Variants in TAFA2 observed in about 807,000 individuals in gnomAD.
TAFA2 encodes the protein TAFA chemokine like family member 2.
TAFA2 carries 7 observed loss-of-function variants against 18.8 expected under a neutral mutation model. The ratio of observed to expected loss-of-function variants is 0.37; its 90% CI spans 0.21 to 0.70. The LOEUF (loss-of-function observed/expected upper bound fraction) is 0.70, where lower values mean the gene tolerates loss of function less well. TAFA2 is among the 30% of genes least tolerant of loss of function. TAFA2 has a pLI of 0.53. For synonymous variants in TAFA2, 60 were observed against 54.2 expected, an observed-to-expected ratio of 1.11 and a Z score of -0.47; for missense variants, 122 against 158.1, an observed-to-expected ratio of 0.77 and a Z score of 1.23.
chr12:61,725,934 G>C (rs1324814533), intron 4 of TAFA2, among the ~76,000 whole-genome samples: 1 of 151,880 alleles, frequency 6.6e-6, no homozygotes, highest in Non-Finnish European at 1.5e-5. Context: ...GTTGGTGAGG[G>C]GTGAGGTATA....
At chr12:62,036,544 T>C (rs1259439828) in intron 1 of TAFA2, among the ~76,000 whole-genome samples, 1 of 152,244 alleles carries the variant, frequency 6.6e-6, no homozygotes, top group Non-Finnish European at 1.5e-5. Context: ...TTCTTGTGTA[T>C]CTGTGTTCAC....
At chr12:61,926,376 G>A (rs1287806003) in intron 1 of TAFA2, among the ~76,000 whole-genome samples, 7 of 152,090 alleles carry the variant, frequency 4.6e-5, no homozygotes, top group Non-Finnish European at 7.4e-5. Flanking sequence ...CCAAAACCTG[G>A]CAGAGACACA....
At chr12:62,080,413 G>A (rs145624762) in intron 1 of TAFA2, among the ~76,000 whole-genome samples, 16 of 152,098 alleles carry the variant, frequency 1.1e-4, no homozygotes, top group African/African-American at 3.1e-4. Context: ...AAATCTTGGG[G>A]GTTGTCTTAA....
intron 1 of TAFA2, among the ~76,000 whole-genome samples, chr12:62,150,523 C>G (rs1160180730): frequency 6.6e-6 from 1 of 152,082 alleles, no homozygotes; most frequent in South Asian, 2.1e-4. Flanking sequence ...TTCTAACAAG[C>G]CTATTCTAAT....
At chr12:62,061,380 AC>A (rs1389660045) in intron 1 of TAFA2, among the ~76,000 whole-genome samples, 3 of 152,238 alleles carry the variant, frequency 2.0e-5, no homozygotes, top group African/African-American at 7.2e-5. Context: ...AACATGATGT[AC>A]ATGTGTGTAG....
At chr12:62,116,365 A>G (rs944368123) in intron 1 of TAFA2, among the ~76,000 whole-genome samples, 7 of 152,208 alleles carry the variant, frequency 4.6e-5, no homozygotes, top group African/African-American at 7.2e-5. Context: ...AGTGGTTCTA[A>G]ATATAAGCCC....
intron 1 of TAFA2, among the ~76,000 whole-genome samples, chr12:62,229,310 G>A (rs1450206682): frequency 6.6e-6 from 1 of 151,904 alleles, no homozygotes; most frequent in African/African-American, 2.4e-5. Flanking sequence ...TAAAAGAATG[G>A]CTTTCAATTT....
At chr12:62,073,550 A>C (rs998536445) in intron 1 of TAFA2, among the ~76,000 whole-genome samples, 1 of 151,624 alleles carries the variant, frequency 6.6e-6, no homozygotes, top group African/African-American at 2.4e-5. Context: ...TGTTATAGGT[A>C]GGTGTTATTA....
intron 1 of TAFA2, among the ~76,000 whole-genome samples, chr12:62,213,507 G>T (rs2062722165): frequency 6.6e-6 from 1 of 152,068 alleles, no homozygotes; most frequent in South Asian, 2.1e-4. Flanking sequence ...GCTGGGCATG[G>T]TGGCGCGTGC....
chr12:62,193,460 A>G (rs2062636266), upstream of TAFA2, among the ~76,000 whole-genome samples: 1 of 152,238 alleles, frequency 6.6e-6, no homozygotes, highest in African/African-American at 2.4e-5. Flanking sequence ...ATTAGGTATC[A>G]CAAGCTCTCT....
chr12:62,165,939 T>TCTCACA lies in TAFA2; in HGVS notation c.-2+25319_-2+25320insTGTGAG, dbSNP rs1555195377. Among the ~76,000 whole-genome samples, 758 of 139,442 alleles carry TCTCACA rather than the reference T, an allele frequency of 5.4e-3. 4 individuals are homozygous for TCTCACA. Among genetic ancestry groups the TCTCACA allele is most frequent in the South Asian group, 0.019 (82 of 4,214 alleles). The allele number at this position is 139,442 out of a possible 152,430, so 91.5% of individuals were successfully genotyped here. On this transcript the variant is annotated intron_variant, in intron 1 of 4. Coordinates refer to ENST00000416284, the MANE Select transcript of TAFA2 (RefSeq NM_178539.5). ...CTCTTCCTCTCTCTCTCTCTCTCTC[T>TCTCACA]CACACACACACACACACACACACAC...
At chr12:61,948,708 A>C (rs1472363000) in intron 1 of TAFA2, among the ~76,000 whole-genome samples, 1 of 152,208 alleles carries the variant, frequency 6.6e-6, no homozygotes, top group East Asian at 1.9e-4. Flanking sequence ...GGGGTATTGT[A>C]AATGATTTAT....
intron 4 of TAFA2, among the ~76,000 whole-genome samples, chr12:61,753,347 A>G (rs1335904782): frequency 6.6e-6 from 1 of 152,098 alleles, no homozygotes; most frequent in Non-Finnish European, 1.5e-5. Flanking sequence ...CAGTGGGGAA[A>G]GGAGGTTCAC....
intron 1 of TAFA2, among the ~76,000 whole-genome samples, chr12:61,976,094 T>C (rs952299662): frequency 2.0e-5 from 3 of 151,824 alleles, no homozygotes; most frequent in African/African-American, 7.2e-5. Context: ...TATAATTACA[T>C]AACTAACCTA....
At chr12:62,131,127 T>A (rs1183525473) in intron 1 of TAFA2, among the ~76,000 whole-genome samples, 7 of 151,900 alleles carry the variant, frequency 4.6e-5, no homozygotes, top group Admixed American at 4.6e-4. Context: ...ATGGCACATA[T>A]GAAGCAATGC....
intron 1 of TAFA2, among the ~76,000 whole-genome samples, chr12:62,219,865 G>A (rs1432564623): frequency 6.6e-6 from 1 of 152,094 alleles, no homozygotes; most frequent in Admixed American, 6.5e-5. Flanking sequence ...TTCTTTTGCA[G>A]AAAATACTCA....
chr12:61,954,917 C>A (rs554430432), intron 1 of TAFA2, among the ~76,000 whole-genome samples: 14 of 152,018 alleles, frequency 9.2e-5, no homozygotes, highest in Non-Finnish European at 1.9e-4. Flanking sequence ...AATCATTAAA[C>A]AACAGAAAAG....
chr12:61,846,048 T>C (rs1285810369), intron 2 of TAFA2, among the ~76,000 whole-genome samples: 1 of 152,124 alleles, frequency 6.6e-6, no homozygotes, highest in Non-Finnish European at 1.5e-5. Flanking sequence ...GTCTATGTTT[T>C]GAAATAAAAA....
intron 1 of TAFA2, among the ~76,000 whole-genome samples, chr12:61,932,122 A>G (rs889518498): frequency 2.0e-5 from 3 of 152,340 alleles, no homozygotes; most frequent in East Asian, 3.9e-4. Context: ...ACTAGTATTC[A>G]TAAATGAAAA....
Sources: gnomAD v4.1 joint callset for allele counts (sites outside exome capture counted in the v4.1 genomes callset) on GRCh38, gnomAD v4.1.1 for gene constraint, MANE v1.5 for transcripts, NCBI Gene and HGNC (gene_info 2026-07-23, HGNC 2026-07-21) for gene names.